Variants in RBFOX1 observed in about 807,000 individuals in gnomAD.
RBFOX1 encodes RNA binding protein fox-1 homolog 1.
Under a neutral mutation model 57.7 loss-of-function variants are expected in RBFOX1, and 8 were observed. That is an observed-to-expected ratio of 0.14 (90% CI 0.08 to 0.25). RBFOX1 has a LOEUF of 0.25. Among genes scored for constraint, RBFOX1 ranks in the 10% least tolerant of loss-of-function variants. The pLI is 1.00. For missense variants in RBFOX1, 611 were observed against 548.5 expected, an observed-to-expected ratio of 1.11 and a Z score of -1.14; for synonymous variants, 326 against 222.4, an observed-to-expected ratio of 1.47 and a Z score of -4.15.
intron 3 of RBFOX1, among the ~76,000 whole-genome samples, chr16:5,713,704 T>C (rs1211796904): frequency 1.3e-5 from 2 of 152,166 alleles, no homozygotes; most frequent in Admixed American, 1.3e-4. Context: ...GTCATTGTGG[T>C]GTCTGGACGC....
At chr16:7,279,503 C>T (rs749752733) in intron 4 of RBFOX1, among the ~76,000 whole-genome samples, 2 of 152,140 alleles carry the variant, frequency 1.3e-5, no homozygotes, top group African/African-American at 2.4e-5. Flanking sequence ...GCAGTGGCCA[C>T]GGAAACCAGC....
At chr16:7,258,463 A>T (rs981832121) in intron 4 of RBFOX1, among the ~76,000 whole-genome samples, 5 of 151,950 alleles carry the variant, frequency 3.3e-5, no homozygotes, top group African/African-American at 1.2e-4. Context: ...TATTCTCCTA[A>T]ACCCTCTCTC....
At chr16:7,337,598 G>A (rs182079946) in intron 4 of RBFOX1, among the ~76,000 whole-genome samples, 1 of 152,324 alleles carries the variant, frequency 6.6e-6, no homozygotes, top group African/African-American at 2.4e-5. Flanking sequence ...CCTAAGCACT[G>A]CGTCTCTGCA....
intron 13 of RBFOX1, among the ~76,000 whole-genome samples, chr16:7,675,087 G>A (rs1232641330): frequency 6.6e-6 from 1 of 152,126 alleles, no homozygotes; most frequent in African/African-American, 2.4e-5. Context: ...AAATCAGCTA[G>A]CCAGTTCTAG....
At chr16:5,801,244 T>G (rs1352616551) in intron 3 of RBFOX1, among the ~76,000 whole-genome samples, 1 of 152,176 alleles carries the variant, frequency 6.6e-6, no homozygotes, top group Non-Finnish European at 1.5e-5. Context: ...TAAAAAGTAC[T>G]GAAATAAAAT....
At chr16:5,700,452 A>C (rs1044163146) in intron 3 of RBFOX1, among the ~76,000 whole-genome samples, 3 of 152,188 alleles carry the variant, frequency 2.0e-5, no homozygotes, top group African/African-American at 7.2e-5. Context: ...CACGTTCCTC[A>C]TGAAAGCGTT....
In RBFOX1 at chr16:7,478,669, AT is replaced by A. The variant is rs772560464; in HGVS notation, c.28-39477del. Among the ~76,000 whole-genome samples, 36 of 152,216 alleles carry A rather than the reference AT, an allele frequency of 2.4e-4. No homozygotes were observed. The East Asian group carries it at 3.1e-3, about 13-fold the overall frequency. On this transcript the variant is annotated intron_variant, in intron 4 of 15. Coordinates refer to ENST00000550418, the MANE Select transcript of RBFOX1 (RefSeq NM_018723.4). ...AAGCCACTTTTGCCAGCTTTCCGCT[AT>A]ATGCAACAAAAACCTCAACCTCTGA...
chr16:5,399,218 A>G (rs1167953110), intron 1 of RBFOX1, among the ~76,000 whole-genome samples: 1 of 152,178 alleles, frequency 6.6e-6, no homozygotes, highest in African/African-American at 2.4e-5. Flanking sequence ...TGGGCACGTG[A>G]TAATGCCCAG....
intron 4 of RBFOX1, among the ~76,000 whole-genome samples, chr16:7,117,983 A>G (rs750334289): frequency 2.8e-4 from 43 of 152,332 alleles, no homozygotes; most frequent in East Asian, 3.9e-4. Context: ...ATCTTATGCA[A>G]TCACTTAGGT....
intron 4 of RBFOX1, among the ~76,000 whole-genome samples, chr16:7,322,044 C>T (rs889014873): frequency 6.6e-6 from 1 of 152,222 alleles, no homozygotes; most frequent in Non-Finnish European, 1.5e-5. Context: ...ACAGTTTTAT[C>T]TGCTACCTCC....
At chr16:6,722,508 A>G (rs1361890453) in intron 3 of RBFOX1, among the ~76,000 whole-genome samples, 2 of 111,960 alleles carry the variant, frequency 1.8e-5, no homozygotes, top group Non-Finnish European at 3.8e-5. Flanking sequence ...TACCATGTAG[A>G]TAAATACTTG....
intron 4 of RBFOX1, among the ~76,000 whole-genome samples, chr16:7,421,877 AAGG>A (rs1180372615): frequency 6.6e-6 from 1 of 152,130 alleles, no homozygotes; most frequent in African/African-American, 2.4e-5. Flanking sequence ...AGCCTTTTTG[AAGG>A]AGAAGTGAGC....
chr16:6,799,285 A>C (rs1054855760), intron 3 of RBFOX1, among the ~76,000 whole-genome samples: 1 of 152,158 alleles, frequency 6.6e-6, no homozygotes, highest in Non-Finnish European at 1.5e-5. Flanking sequence ...GCACTCCTGG[A>C]TTGTTGGCTA....
At chr16:5,247,891 A>T (rs775158089) in intron 1 of RBFOX1, among the ~76,000 whole-genome samples, 21 of 152,188 alleles carry the variant, frequency 1.4e-4, no homozygotes, top group Non-Finnish European at 2.4e-4. Flanking sequence ...GTGAGTCCCA[A>T]TTCTGCAGGT....
At chr16:7,302,287 C>A (rs187121729) in intron 4 of RBFOX1, among the ~76,000 whole-genome samples, 51 of 152,080 alleles carry the variant, frequency 3.4e-4, no homozygotes, top group Non-Finnish European at 5.9e-4. Context: ...TCAAACAGAA[C>A]GACAACAAAA....
At chr16:6,645,542 C>T (rs992042754) in intron 2 of RBFOX1, among the ~76,000 whole-genome samples, 1 of 152,154 alleles carries the variant, frequency 6.6e-6, no homozygotes, top group South Asian at 2.1e-4. Flanking sequence ...AAACAACCAA[C>T]ACACCAAGTG....
chr16:6,747,388 C>G (rs1260430776), intron 3 of RBFOX1, among the ~76,000 whole-genome samples: 1 of 150,690 alleles, frequency 6.6e-6, no homozygotes, highest in African/African-American at 2.5e-5. Flanking sequence ...GACTGGGCGA[C>G]AGAGTGAGAC....
In RBFOX1 at chr16:5,369,905, A is replaced by G. The variant is rs74817156; in HGVS notation, c.220-97311A>G. Among the ~76,000 whole-genome samples, 1,153 of 152,234 alleles carry G rather than the reference A, an allele frequency of 7.6e-3. 18 individuals carry two copies. The highest frequency in any genetic ancestry group is 0.026 in the African/African-American group (1,062 of 41,548). On this transcript the variant is annotated intron_variant, in intron 1 of 2. Transcript: ENST00000585867. ...ACCACAATTACTTTTGCACCAACCT[A>G]TAGATGTCTGAGAATGTTAGGAAAG...
At position 5,405,875 on chromosome 16, in the gene RBFOX1, G is replaced by A. The variant is rs913496801; in HGVS notation, c.220-61341G>A. ...AGTGTAGTTGTGTGTGGAAGTGAGGGCAGAGTGATCCAAGTCATCTCCCCA... is the reference window on the plus strand; with the variant it reads ...AGTGTAGTTGTGTGTGGAAGTGAGGACAGAGTGATCCAAGTCATCTCCCCA... On this transcript the variant is annotated intron_variant, in intron 1 of 2. Transcript: ENST00000585867. Among the ~76,000 whole-genome samples the A allele has an allele frequency of 9.2e-5, 14 of 152,148 alleles. 1 individual carries two copies. In the South Asian group the frequency reaches 1.9e-3, roughly 20 times the overall value.
Sources: allele counts gnomAD v4.1 joint callset (sites outside exome capture counted in the v4.1 genomes callset), GRCh38; gene constraint gnomAD v4.1.1; transcripts MANE v1.5; gene names NCBI Gene and HGNC (gene_info 2026-07-23, HGNC 2026-07-21).